SOX13: variants seen among roughly 807,000 people sequenced by gnomAD.
SOX13 encodes the protein transcription factor SOX-13.
SOX13 carries 28 observed loss-of-function variants against 71.8 expected under a neutral mutation model. The ratio of observed to expected loss-of-function variants is 0.39; its 90% CI spans 0.29 to 0.53. The LOEUF (loss-of-function observed/expected upper bound fraction) is 0.53. Among genes scored for constraint, SOX13 ranks in the 20% least tolerant of loss-of-function variants. The probability of loss-of-function intolerance (pLI) is 0.70; values close to 1 mark genes in which losing one functional copy is unlikely to be tolerated. For synonymous variants in SOX13, 309 were observed against 317.8 expected (o/e 0.97, Z 0.29); for missense variants, 627 against 810.3 (o/e 0.77, Z 2.75).
At chr1:204,109,049 G>C (rs113121618) in intron 1 of SOX13, among the ~76,000 whole-genome samples, 1 of 152,140 alleles carries the variant, frequency 6.6e-6, no homozygotes, top group Non-Finnish European at 1.5e-5. Flanking sequence ...AGCCCCTCCC[G>C]GTGCCCGGAT....
Position 204,081,387 on chromosome 1 carries a change from G to A in SOX13, c.-2+7676G>A, listed in dbSNP as rs1655903598. 6.6e-6 allele frequency among the ~76,000 whole-genome samples: 1 copy of A among 152,204 alleles called. No individual in the cohort carries two copies. Among genetic ancestry groups the A allele is most frequent in the African/African-American group, 2.4e-5 (1 of 41,452 alleles). ...AAATGTCATCAGTGTTTGTTTCCAC[G>A]GAAGACCAAGAGGAGTCACGGTTTG... On this transcript the variant is annotated intron_variant, in intron 1 of 13. Transcript: ENST00000367204. This position sits in a 1 kb window ranked among gnomAD's most constrained non-coding sequence, Gnocchi z 4.3.
At chr1:204,117,246 G>C (rs878916038) in intron 6 of SOX13, 56 bp downstream of exon 6, 1 of 1,478,916 alleles carries the variant, frequency 6.8e-7, no homozygotes, top group Non-Finnish European at 9.5e-7. Flanking sequence ...AGTTGACACC[G>C]GCCTGGAGGG....
intron 4 of SOX13, among the ~76,000 whole-genome samples, chr1:204,115,581 A>G (rs953943228): frequency 7.1e-6 from 1 of 140,032 alleles, no homozygotes; most frequent in African/African-American, 2.6e-5. Context: ...GGTCAGGGGG[A>G]CACTAACATT....
chr1:204,079,807 T>C (rs976724092), intron 1 of SOX13, among the ~76,000 whole-genome samples: 3 of 152,186 alleles, frequency 2.0e-5, no homozygotes, highest in Admixed American at 2.0e-4. Context: ...AGGACCTCCA[T>C]GGTCTCAGAT....
chr1:204,095,540 C>A (rs1374883494), intron 1 of SOX13, among the ~76,000 whole-genome samples: 2 of 152,020 alleles, frequency 1.3e-5, no homozygotes, highest in African/African-American at 4.8e-5. Context: ...CTGCTGCCCC[C>A]ATGTTGTCCC....
At position 204,123,160 on chromosome 1, in the gene SOX13, G is replaced by A. The variant is rs117425740; in HGVS notation, c.1183G>A (p.Gly395Ser). Residue 395 changes from glycine (G) to serine (S), a missense_variant, in exon 11 of 14, where the codon GGC becomes AGC. Physicochemically the swap from Gly to Ser is moderately conservative, Grantham distance 56. Coordinates refer to ENST00000367204, the MANE Select transcript of SOX13 (RefSeq NM_005686.3). The surrounding 1 kb of genome is among the most constrained non-coding windows in gnomAD (Gnocchi z 5.0). ...SSPAKERLED[G>S]CVHPLEEAML... ...CCCAGCCAAGGAGCGGCTGGAGGACGGCTGTGTGCACCCACTGGAGGAAGC... is the reference window on the plus strand; with the variant it reads ...CCCAGCCAAGGAGCGGCTGGAGGACAGCTGTGTGCACCCACTGGAGGAAGC... 2.8e-4 allele frequency: 454 copies of A among 1,613,626 alleles called. 4 individuals carry two copies. In the East Asian group the frequency reaches 9.1e-3, roughly 32 times the overall value.
At chr1:204,106,908 T>C (rs1207197245) in intron 1 of SOX13, among the ~76,000 whole-genome samples, 1 of 152,244 alleles carries the variant, frequency 6.6e-6, no homozygotes, top group East Asian at 1.9e-4. Flanking sequence ...GGCACTCTGA[T>C]AGGGTCTGGT....
At chr1:204,082,083 G>A (rs543897565) in intron 1 of SOX13, among the ~76,000 whole-genome samples, 1 of 151,796 alleles carries the variant, frequency 6.6e-6, no homozygotes, top group East Asian at 1.9e-4. Context: ...TGTGTGTGGG[G>A]GGGAGGGAAG....
intron 1 of SOX13, among the ~76,000 whole-genome samples, chr1:204,077,249 G>A (rs1268570244): frequency 1.3e-5 from 2 of 152,248 alleles, no homozygotes; most frequent in Non-Finnish European, 2.9e-5. Context: ...AATCAGAGGA[G>A]AGCCAAAGCC....
At chr1:204,088,464 C>T (rs967794461) in intron 1 of SOX13, among the ~76,000 whole-genome samples, 2 of 152,188 alleles carry the variant, frequency 1.3e-5, no homozygotes, top group Non-Finnish European at 2.9e-5. Flanking sequence ...ATGGCATTTG[C>T]ATATAACCAG....
chr1:204,085,923 C>G (rs1179953875), intron 1 of SOX13, among the ~76,000 whole-genome samples: 2 of 150,394 alleles, frequency 1.3e-5, no homozygotes, highest in African/African-American at 4.9e-5. Context: ...GAGCAGTGAT[C>G]GTGCCACTGC....
intron 1 of SOX13, among the ~76,000 whole-genome samples, chr1:204,097,689 G>A (rs568195565): frequency 1.4e-4 from 17 of 119,624 alleles, no homozygotes; most frequent in Admixed American, 1.1e-3. Context: ...GCGAAACTCC[G>A]TCTCAAAAAA....
At chr1:204,120,513 T>C (rs1292659928) in intron 7 of SOX13, among the ~76,000 whole-genome samples, 6 of 152,234 alleles carry the variant, frequency 3.9e-5, no homozygotes, top group Non-Finnish European at 8.8e-5. Flanking sequence ...TGGTGCTCTG[T>C]ACCCACAGCA....
At chr1:204,114,965 T>C (rs1656659040) in intron 4 of SOX13, among the ~76,000 whole-genome samples, 1 of 151,886 alleles carries the variant, frequency 6.6e-6, no homozygotes, top group South Asian at 2.1e-4. Context: ...CCTCACTAAG[T>C]GAGTGAAAAG....
intron 1 of SOX13, among the ~76,000 whole-genome samples, chr1:204,091,385 G>A (rs1656141255): frequency 6.6e-6 from 1 of 152,188 alleles, no homozygotes; most frequent in African/African-American, 2.4e-5. Flanking sequence ...CAGGATCGAG[G>A]AATATTGATC....
intron 7 of SOX13, among the ~76,000 whole-genome samples, chr1:204,121,279 G>A (rs1049937925): frequency 5.9e-5 from 9 of 152,182 alleles, no homozygotes; most frequent in South Asian, 2.1e-4. Context: ...AAGCCACCAC[G>A]CCTGGCTTCA....
chr1:204,109,718 A>T (rs889530241), intron 1 of SOX13, among the ~76,000 whole-genome samples: 13 of 152,240 alleles, frequency 8.5e-5, no homozygotes, highest in Non-Finnish European at 5.9e-5. Context: ...CTCCAAAGAT[A>T]CTAAAATGTG....
intron 1 of SOX13, among the ~76,000 whole-genome samples, chr1:204,109,947 C>G (rs1388089906): frequency 6.6e-6 from 1 of 152,112 alleles, no homozygotes; most frequent in Non-Finnish European, 1.5e-5. Context: ...ATTCTCCTGC[C>G]TCAGCCTCCT....
In SOX13 at chr1:204,081,986, C is replaced by T. The variant is rs1029706882; in HGVS notation, c.-2+8275C>T. Among the ~76,000 whole-genome samples the T allele has an allele frequency of 4.6e-5, 7 of 151,616 alleles. No individual in the cohort carries two copies. In the East Asian group the frequency reaches 5.8e-4, roughly 13 times the overall value. ...TGAGGGCAGTGGGGCTTGAATAGGG[C>T]GCTGTCGAAAGCAGAGGGAGTGGCC... On this transcript the variant is annotated intron_variant, in intron 1 of 13. Transcript: ENST00000367204. This position sits in a 1 kb window ranked among gnomAD's most constrained non-coding sequence, Gnocchi z 4.3.
Sources: allele counts gnomAD v4.1 joint callset (sites outside exome capture counted in the v4.1 genomes callset), GRCh38; gene constraint gnomAD v4.1.1; non-coding constraint Gnocchi (gnomAD v3.1); transcripts MANE v1.5; gene names NCBI Gene and HGNC (gene_info 2026-07-23, HGNC 2026-07-21).